The following C4orf51 variants were observed in gnomAD, a reference collection of about 807,000 sequenced individuals.
C4orf51 encodes the protein chromosome 4 open reading frame 51.
C4orf51 carries 25 observed loss-of-function variants against 25.2 expected under a neutral mutation model. That is an observed-to-expected ratio of 0.99 (90% CI 0.72 to 1.39). The LOEUF is 1.39. Among genes scored for constraint, C4orf51 ranks in the 40% most tolerant of loss-of-function variants. C4orf51 has a pLI of 0.00. For missense variants in C4orf51, 252 were observed against 239.6 expected (o/e 1.05, Z -0.34); for synonymous variants, 100 against 84.5 (o/e 1.18, Z -1.01).
At chr4:145,772,737 G>C (rs59457671), downstream of C4orf51, among the ~76,000 whole-genome samples, 7,027 of 152,220 alleles carry the variant, frequency 0.046, 529 homozygotes, top group African/African-American at 0.16. Context: ...AGCATTAAAG[G>C]CTCCTACTGA....
chr4:145,769,759 T>A (rs1243008492), intron 1 of C4orf51, among the ~76,000 whole-genome samples: 2 of 152,186 alleles, frequency 1.3e-5, no homozygotes, highest in East Asian at 3.9e-4. Flanking sequence ...GAAGGACACC[T>A]GTGCACAGGT....
intron 2 of C4orf51, among the ~76,000 whole-genome samples, chr4:145,718,376 A>G (rs577803707): frequency 6.6e-6 from 1 of 152,382 alleles, no homozygotes; most frequent in South Asian, 2.1e-4. Flanking sequence ...GCCTAGGAAA[A>G]TATTGACAAG....
the C4orf51 span, among the ~76,000 whole-genome samples, chr4:145,779,749 T>A: frequency 1.3e-5 from 2 of 152,212 alleles, no homozygotes; most frequent in Non-Finnish European, 2.9e-5. Context: ...CTCTCTTTCT[T>A]CACTAAAGAC....
At chr4:145,731,663 C>CCTCCACCT (rs1335540735) in intron 5 of C4orf51, among the ~76,000 whole-genome samples, 67 of 145,172 alleles carry the variant, frequency 4.6e-4, no homozygotes, top group African/African-American at 1.7e-3. Flanking sequence ...CTCACTGCAA[C>CCTCCACCT]CTCCACCTCC....
intron 4 of C4orf51, among the ~76,000 whole-genome samples, chr4:145,729,494 G>T (rs1381683313): frequency 6.6e-6 from 1 of 151,680 alleles, no homozygotes; most frequent in Non-Finnish European, 1.5e-5. Flanking sequence ...GTAGAGACGG[G>T]GTTTCACCGT....
intron 1 of C4orf51, among the ~76,000 whole-genome samples, chr4:145,766,461 G>A (rs1735308870): frequency 6.6e-6 from 1 of 152,226 alleles, no homozygotes; most frequent in African/African-American, 2.4e-5. Flanking sequence ...AAAGAGGTGA[G>A]CCATATGACT....
At chr4:145,748,847 A>G (rs1733520855) in intron 1 of C4orf51, among the ~76,000 whole-genome samples, 1 of 152,074 alleles carries the variant, frequency 6.6e-6, no homozygotes, top group Non-Finnish European at 1.5e-5. Flanking sequence ...TTCTATAGCC[A>G]TTGGATATAA....
At position 145,765,224 on chromosome 4, in the gene C4orf51, A is replaced by G; in HGVS notation, n.167-5764A>G. 1 of 1,502,146 alleles carries G rather than the reference A, an allele frequency of 6.7e-7. No individual in the cohort carries two copies. The allele number at this position is 1,502,146 out of a possible 1,614,324, so 93.1% of individuals were successfully genotyped here. Reference sequence around the variant, plus strand: ...AGGGCAGCGGGGAGAGGAGGGCAGGAGTGGAGCCAAGCTCCTCCCCACTTC... The same window carrying G: ...AGGGCAGCGGGGAGAGGAGGGCAGGGGTGGAGCCAAGCTCCTCCCCACTTC... On this transcript the variant is annotated intron_variant and non_coding_transcript_variant, in intron 1 of 1. Transcript: ENST00000510096. The surrounding 1 kb of genome is among the most constrained non-coding windows in gnomAD (Gnocchi z 4.7).
the C4orf51 span, among the ~76,000 whole-genome samples, chr4:145,781,195 C>CAAAAAAACAAAAAAAAAAAA: frequency 1.8e-5 from 1 of 56,548 alleles, no homozygotes; most frequent in African/African-American, 8.0e-5. Flanking sequence ...GACACCATCT[C>CAAAAAAACAAAAAAAAAAAA]AAAAAAAAAA....
At chr4:145,723,806 T>C (rs1022196570) in intron 2 of C4orf51, among the ~76,000 whole-genome samples, 2 of 152,236 alleles carry the variant, frequency 1.3e-5, no homozygotes, top group Non-Finnish European at 2.9e-5. Flanking sequence ...AAAGGCCAGC[T>C]GAAGCTGCCA....
rs546772778 is a variant in C4orf51, at chr4:145,753,047, T to C, written n.168-1160T>C. The stretch of plus-strand genomic sequence containing the variant: ...GGATGGTCTTGGCAATTTAAGACTG[T>C]CTTTTCTACCCTCTTCAGTGCCTTT... On this transcript the variant is annotated intron_variant and non_coding_transcript_variant, in intron 1 of 1. Transcript: ENST00000508981. Among the ~76,000 whole-genome samples the C allele has an allele frequency of 1.4e-4, 22 of 152,256 alleles. 1 individual carries two copies. In the East Asian group the frequency reaches 4.3e-3, roughly 29 times the overall value.
downstream of C4orf51, among the ~76,000 whole-genome samples, chr4:145,734,414 T>C (rs930959920): frequency 1.1e-5 from 1 of 94,634 alleles, no homozygotes; most frequent in African/African-American, 4.0e-5. Flanking sequence ...AATTTGGGGA[T>C]GGGAGGGTGG....
At chr4:145,708,140 C>T (rs1447022057) in intron 2 of C4orf51, among the ~76,000 whole-genome samples, 4 of 152,204 alleles carry the variant, frequency 2.6e-5, no homozygotes, top group African/African-American at 7.2e-5. Context: ...AGTGGGCTCG[C>T]AGAGCAGCCA....
At chr4:145,687,532 T>C (rs1729244109) in intron 1 of C4orf51, among the ~76,000 whole-genome samples, 1 of 152,236 alleles carries the variant, frequency 6.6e-6, no homozygotes, top group Non-Finnish European at 1.5e-5. Context: ...AATTTACTTT[T>C]CTGTGTCAGT....
chr4:145,780,565 T>C, the C4orf51 span, among the ~76,000 whole-genome samples: 1 of 152,254 alleles, frequency 6.6e-6, no homozygotes, highest in African/African-American at 2.4e-5. Context: ...TTCTCATTCT[T>C]ATCCCTAGGA....
intron 1 of C4orf51, among the ~76,000 whole-genome samples, chr4:145,690,461 GC>G (rs1729479976): frequency 6.6e-6 from 1 of 151,942 alleles, no homozygotes; most frequent in Admixed American, 6.6e-5. Context: ...GCGAGATGGC[GC>G]CACTGCACTC....
rs1224627927 is a variant in C4orf51, at chr4:145,761,679, C to G, written n.167-9309C>G. The G allele has an allele frequency of 5.8e-6, 5 of 859,108 alleles. No homozygotes were observed. The highest frequency in any genetic ancestry group is 8.0e-6 in the Non-Finnish European group (5 of 626,636). The allele number at this position is 859,108 out of a possible 1,614,324, so 53.2% of individuals were successfully genotyped here. On this transcript the variant is annotated intron_variant and non_coding_transcript_variant, in intron 1 of 1. Coordinates refer to the C4orf51 transcript ENST00000510096. This position sits in a 1 kb window ranked among gnomAD's most constrained non-coding sequence, Gnocchi z 6.8. ...CGCTTCTCGCCGCCTCACCAGCCTT[C>G]CCTCACACCACCCCCCAGTGTCTGA...
At chr4:145,733,858 G>C (rs933870074), downstream of C4orf51, among the ~76,000 whole-genome samples, 2 of 152,154 alleles carry the variant, frequency 1.3e-5, no homozygotes, top group Non-Finnish European at 2.9e-5. Flanking sequence ...AGACATCCCA[G>C]GCAGAAGGAG....
the C4orf51 span, chr4:145,779,237 C>T: frequency 8.5e-7 from 1 of 1,176,782 alleles, no homozygotes; most frequent in Non-Finnish European, 1.2e-6. Context: ...TTAAACATGC[C>T]AGAGAAAATG....
Sources: gnomAD v4.1 joint callset for allele counts (sites outside exome capture counted in the v4.1 genomes callset) on GRCh38, gnomAD v4.1.1 for gene constraint, Gnocchi (gnomAD v3.1) non-coding constraint, MANE v1.5 for transcripts, NCBI Gene and HGNC (gene_info 2026-07-23, HGNC 2026-07-21) for gene names.